Variants in ZMYM6 observed in about 807,000 individuals in gnomAD.
The protein encoded by ZMYM6 is zinc finger MYM-type containing 6, also known as zinc finger MYM-type protein 6.
A neutral mutation model predicts 134.0 loss-of-function variants in ZMYM6; 90 were observed. The ratio of observed to expected loss-of-function variants is 0.67; its 90% CI spans 0.57 to 0.80. The LOEUF (loss-of-function observed/expected upper bound fraction) is 0.80. Among genes scored for constraint, ZMYM6 ranks in the 30% least tolerant of loss-of-function variants. ZMYM6 has a pLI of 0.00. For missense variants in ZMYM6, 1,362 were observed against 1,533.9 expected, an observed-to-expected ratio of 0.89 and a Z score of 1.87; for synonymous variants, 481 against 524.1, an observed-to-expected ratio of 0.92 and a Z score of 1.12.
intron 15 of ZMYM6, among the ~76,000 whole-genome samples, chr1:34,990,544 G>T (rs1363031972): frequency 6.6e-6 from 1 of 152,076 alleles, no homozygotes; most frequent in African/African-American, 2.4e-5. Context: ...CACTGATTAG[G>T]ATTTATCCTA....
At chr1:35,031,510 G>A (rs936600845) in intron 1 of ZMYM6, 3 of 152,250 alleles carry the variant, frequency 2.0e-5, no homozygotes, top group Non-Finnish European at 4.4e-5. Context: ...AAGAAGAAAT[G>A]AGAACTTTTG....
chr1:35,012,892 A>G, intron 6 of ZMYM6: 1 of 985,382 alleles, frequency 1.0e-6, no homozygotes, highest in Non-Finnish European at 1.2e-6. Flanking sequence ...AGACCAGCTA[A>G]CCCATGAACC....
chr1:35,015,332 A>G (rs1199968564), intron 4 of ZMYM6, among the ~76,000 whole-genome samples, 170 bp from the exon 5 acceptor site: 2 of 152,184 alleles, frequency 1.3e-5, no homozygotes, highest in Non-Finnish European at 2.9e-5. Context: ...CAGGTGAGTG[A>G]CAATGAATGA....
At chr1:35,001,955 T>C (rs1457751243) in intron 14 of ZMYM6, among the ~76,000 whole-genome samples, 2 of 152,204 alleles carry the variant, frequency 1.3e-5, no homozygotes, top group Non-Finnish European at 2.9e-5. Context: ...ACTGAGGATT[T>C]CTTGGTATGC....
chr1:35,008,873 C>G lies in ZMYM6; in HGVS notation c.1544G>C (p.Cys515Ser). 1 of 1,613,934 alleles carries G rather than the reference C, an allele frequency of 6.2e-7. No individual in the cohort carries two copies. The highest frequency in any genetic ancestry group is 8.5e-7 in the Non-Finnish European group (1 of 1,179,966). ...RDFGERWGNY[C>S]KMCSYCSQTS... ...CTGTGAACAGTAGCTGCACATCTTA[C>G]AGTAGTTTCCCCATCGTTCTCCAAA... is the stretch of plus-strand genomic sequence containing the variant. The change falls in exon 11 of 16, where the codon TGT becomes TCT. Residue 515 changes from cysteine to serine, a missense_variant. This residue lies in a region of ZMYM6 where 824 missense variants were observed against 940.9 expected (regional missense o/e 0.88). Transcript: ENST00000357182.
rs144581211 is a variant in ZMYM6, at chr1:34,988,277, A to G, written c.2805T>C (p.Cys935=). The change falls in exon 16 of 16, where the codon TGT becomes TGC. Residue 935 remains cysteine, a synonymous_variant. Transcript: ENST00000357182. ...ATAATAATTCTTCTTTTACATCACG[A>G]CAATCATAATCAATGAAACGAATAT... The part of the protein sequence containing the change: ...LCYIRFIDYD[C]RDVKEELLFC... 1.1e-3 allele frequency: 1,658 copies of G among 1,550,720 alleles called. 14 individuals are homozygous for G. The African/African-American group carries it at 0.018, about 17-fold the overall frequency.
At chr1:35,000,487 C>A (rs1271195574) in intron 14 of ZMYM6, among the ~76,000 whole-genome samples, 1 of 152,002 alleles carries the variant, frequency 6.6e-6, no homozygotes, top group South Asian at 2.1e-4. Context: ...GATCTACCTA[C>A]CTTGGCCTCC....
chr1:34,993,715 G>A (rs1331669780), intron 14 of ZMYM6, among the ~76,000 whole-genome samples: 2 of 150,594 alleles, frequency 1.3e-5, no homozygotes, highest in Non-Finnish European at 3.0e-5. Flanking sequence ...ACGGAGTCTC[G>A]CTCTGTCACC....
intron 15 of ZMYM6, chr1:34,990,000 C>T (rs1038305996): frequency 6.6e-6 from 1 of 152,054 alleles, no homozygotes; most frequent in African/African-American, 2.4e-5. Context: ...AAAAAGTTAA[C>T]ATTTCATTAA....
In ZMYM6 at chr1:35,008,966, A is replaced by T. The variant is rs541853105; in HGVS notation, c.1493-42T>A. ...TGAAAGGAAGAAAAATCAAATTTAC[A>T]TTAACTGAGGAGGTATAATAAGTTT... is the stretch of plus-strand genomic sequence containing the variant. On this transcript the variant is annotated intron_variant, in intron 10 of 15. Coordinates refer to ENST00000357182, the MANE Select transcript of ZMYM6 (RefSeq NM_007167.4). The T allele has an allele frequency of 2.9e-5, 46 of 1,585,516 alleles. No individual in the cohort carries two copies. The South Asian group carries it at 5.3e-4, about 18-fold the overall frequency.
At position 35,012,452 on chromosome 1, in the gene ZMYM6, C is replaced by G. The variant is rs1641103910; in HGVS notation, c.925G>C (p.Val309Leu). The change falls in exon 7 of 16, where the codon GTT becomes CTT. Residue 309 changes from valine to leucine, a missense_variant. Physicochemically the swap from Val to Leu is conservative, Grantham distance 32. Transcript: ENST00000357182. ...CSINCLSAYR[V>L]KTVTSSGVQV... ...TTACCTGAAGAAGTAACAGTCTTAA[C>G]TCTGTAAGCAGATAAGCAATTAATA... 1 of 1,595,206 alleles carries G rather than the reference C, an allele frequency of 6.3e-7. No homozygotes were observed. Among genetic ancestry groups the G allele is most frequent in the Non-Finnish European group, 8.5e-7 (1 of 1,173,708 alleles).
intron 13 of ZMYM6, among the ~76,000 whole-genome samples, chr1:35,004,622 A>T (rs1177891220): frequency 1.3e-5 from 2 of 151,942 alleles, no homozygotes; most frequent in Non-Finnish European, 2.9e-5. Flanking sequence ...AAAAAAAATT[A>T]AAAATTGAAA....
rs1557584068 is a variant in ZMYM6 at position 35,019,488 on chromosome 1, A to AT, written c.292dup (p.Met98AsnfsTer4). The AT allele has an allele frequency of 1.9e-6, 3 of 1,614,100 alleles. No individual in the cohort carries two copies. Among genetic ancestry groups the AT allele is most frequent in the Non-Finnish European group, 1.7e-6 (2 of 1,180,016 alleles). On this transcript the variant is annotated frameshift_variant, in exon 4 of 16. Transcript: ENST00000357182. LOFTEE classifies it high-confidence loss of function. ...ATATGCAGTTTGGCCCTTATAAAGC[A>AT]TTTTTTTACAACCAGAACAAAAAAC... is the stretch of plus-strand genomic sequence containing the variant.
rs74585389 is a variant in ZMYM6, at chr1:35,009,022, A to C, written c.1493-98T>G. On this transcript the variant is annotated intron_variant, in intron 10 of 15. Transcript: ENST00000357182. ...GTCTTAGATATGAAACTTTAAGCTA[A>C]TTTCTAATACACAATTATTTGCCTC... The C allele has an allele frequency of 1.4e-3, 1,765 of 1,263,416 alleles. 35 individuals are homozygous for C. The East Asian group carries it at 0.042, about 30-fold the overall frequency. 78.3% of individuals were successfully genotyped at this position (1,263,416 alleles called of 1,614,324 possible).
chr1:34,992,264 G>A lies in ZMYM6; in HGVS notation c.2116C>T (p.Pro706Ser). The stretch of plus-strand genomic sequence containing the variant: ...TGACATTCTTTGTGCTGTGTATGTG[G>A]TTTGCAAGAAGTGGCCTTGGTCTGT... ...VTQTKATSCK[P>S]HTQHKECQTD... Residue 706 changes from proline (P) to serine (S), a missense_variant, in exon 15 of 16, where the codon CCA becomes TCA. Pro to Ser is a moderately conservative substitution (Grantham distance 74). Transcript: ENST00000357182. 6.2e-7 allele frequency: 1 copy of A among 1,614,064 alleles called. No individual in the cohort carries two copies. Among genetic ancestry groups the A allele is most frequent in the Admixed American group, 1.7e-5 (1 of 60,026 alleles).
At chr1:35,024,471 T>C (rs57100674) in intron 2 of ZMYM6, among the ~76,000 whole-genome samples, 5,384 of 152,228 alleles carry the variant, frequency 0.035, 342 homozygotes, top group African/African-American at 0.12. Context: ...CAAACTGCAC[T>C]TAGTACTTCC....
At chr1:35,015,743 A>AAAAAAAAAAATATATAT in intron 4 of ZMYM6, among the ~76,000 whole-genome samples, 11 of 106,462 alleles carry the variant, frequency 1.0e-4, no homozygotes, top group African/African-American at 6.6e-4. Flanking sequence ...AAAAAAAAAA[A>AAAAAAAAAAATATATAT]ATATATATAT....
chr1:35,007,592 G>GA lies in ZMYM6; in HGVS notation c.1666-495dup, dbSNP rs200792300. ...GACAGAGTAAGACTCTGTCTCAATA[G>GA]AAAAAAAAAAAAATGCTCTTCTGTT... On this transcript the variant is annotated intron_variant, in intron 11 of 15. Transcript: ENST00000357182. Among the ~76,000 whole-genome samples, 411 of 136,868 alleles carry GA rather than the reference G, an allele frequency of 3.0e-3. 4 individuals carry two copies. Among genetic ancestry groups the GA allele is most frequent in the East Asian group, 0.026 (127 of 4,802 alleles). 89.8% of individuals were successfully genotyped at this position (136,868 alleles called of 152,430 possible). A position where few individuals can be genotyped will look rare whatever the true frequency, so the allele number is the denominator to read the frequency against.
chr1:34,993,733 G>A (rs910105260), intron 14 of ZMYM6, among the ~76,000 whole-genome samples: 1 of 151,888 alleles, frequency 6.6e-6, no homozygotes, highest in Non-Finnish European at 1.5e-5. Context: ...ACCCAGGCTG[G>A]AATGCAGTGG....
Sources: allele counts gnomAD v4.1 joint callset (sites outside exome capture counted in the v4.1 genomes callset), GRCh38; gene constraint gnomAD v4.1.1; regional missense constraint gnomAD v4.1.1; transcripts MANE v1.5; gene names NCBI Gene and HGNC (gene_info 2026-07-23, HGNC 2026-07-21).